Variants in FMNL2 observed in about 807,000 individuals in gnomAD.
FMNL2 encodes the protein formin-like protein 2.
A neutral mutation model predicts 130.2 loss-of-function variants in FMNL2; 51 were observed. The observed-to-expected ratio is 0.39, with a 90% CI of 0.31 to 0.49. The LOEUF is 0.49. Ranked by LOEUF, FMNL2 falls within the 20% of genes least tolerant of loss-of-function variation. The pLI, the probability that FMNL2 is intolerant of heterozygous loss-of-function variation, is 0.85. For synonymous variants in FMNL2, 465 were observed against 467.1 expected (o/e 1.00, Z 0.06); for missense variants, 977 against 1,316.2 (o/e 0.74, Z 3.99).
intron 1 of FMNL2, among the ~76,000 whole-genome samples, chr2:152,435,473 G>A (rs1687702342): frequency 1.3e-5 from 2 of 151,866 alleles, no homozygotes; most frequent in African/African-American, 2.4e-5. Flanking sequence ...TTGTCTTCAC[G>A]TATGGTAAAT....
At chr2:152,388,847 C>T (rs886704492) in intron 1 of FMNL2, among the ~76,000 whole-genome samples, 5 of 152,166 alleles carry the variant, frequency 3.3e-5, no homozygotes, top group African/African-American at 9.7e-5. Context: ...GAGGTCACAT[C>T]TGTGGATGTC....
intron 1 of FMNL2, among the ~76,000 whole-genome samples, chr2:152,359,822 A>G (rs1318749814): frequency 2.0e-5 from 3 of 152,136 alleles, no homozygotes; most frequent in Non-Finnish European, 4.4e-5. Context: ...CTACTTTTTG[A>G]GGGCTTTTAC....
chr2:152,387,805 C>T (rs1035771212), intron 1 of FMNL2, among the ~76,000 whole-genome samples: 3 of 143,520 alleles, frequency 2.1e-5, no homozygotes, highest in African/African-American at 8.1e-5. Flanking sequence ...TCACACCTGG[C>T]TAATTAAAAA....
intron 25 of FMNL2, among the ~76,000 whole-genome samples, chr2:152,646,620 G>C (rs899709156): frequency 6.6e-6 from 1 of 151,818 alleles, no homozygotes; most frequent in African/African-American, 2.4e-5. Flanking sequence ...ACATTCTGTG[G>C]GTCAAATGTG....
At chr2:152,489,928 C>T (rs1691047528) in intron 1 of FMNL2, among the ~76,000 whole-genome samples, 1 of 152,174 alleles carries the variant, frequency 6.6e-6, no homozygotes, top group Non-Finnish European at 1.5e-5. Flanking sequence ...TGATCTGAAA[C>T]TGTTGCCACT....
At chr2:152,641,406 C>T (rs1015816677) in intron 25 of FMNL2, among the ~76,000 whole-genome samples, 1 of 152,224 alleles carries the variant, frequency 6.6e-6, no homozygotes, top group African/African-American at 2.4e-5. Context: ...TTGTGTTAAC[C>T]CAGCCTGGTT....
intron 1 of FMNL2, among the ~76,000 whole-genome samples, chr2:152,405,122 A>G (rs1312691595): frequency 6.6e-6 from 1 of 152,160 alleles, no homozygotes; most frequent in Non-Finnish European, 1.5e-5. Context: ...TCTTACTAGT[A>G]TTGGGAGGCT....
At chr2:152,541,203 C>G (rs948550761) in intron 2 of FMNL2, among the ~76,000 whole-genome samples, 1 of 152,060 alleles carries the variant, frequency 6.6e-6, no homozygotes, top group African/African-American at 2.4e-5. Context: ...GTTACCCAGG[C>G]TGGAGTGCAG....
chr2:152,559,208 A>T (rs1347778337), intron 5 of FMNL2, among the ~76,000 whole-genome samples: 1 of 152,240 alleles, frequency 6.6e-6, no homozygotes, highest in East Asian at 1.9e-4. Flanking sequence ...GTATATTTGC[A>T]TATGCTAGTA....
chr2:152,364,261 G>GTTTTTTTTTTTTTTTTTTTTTTTT (rs869062341), intron 1 of FMNL2, among the ~76,000 whole-genome samples: 1 of 24,460 alleles, frequency 4.1e-5, no homozygotes, highest in African/African-American at 1.3e-4. Context: ...AGGTTTGTGT[G>GTTTTTTTTTTTTTTTTTTTTTTTT]TTTTTTTTTT....
chr2:152,496,289 A>T (rs755879595), intron 1 of FMNL2, among the ~76,000 whole-genome samples: 1 of 152,134 alleles, frequency 6.6e-6, no homozygotes, highest in Non-Finnish European at 1.5e-5. Context: ...ATTACTGACC[A>T]GTTATTTCAT....
chr2:152,488,345 C>A (rs1205299120), intron 1 of FMNL2, among the ~76,000 whole-genome samples: 1 of 152,202 alleles, frequency 6.6e-6, no homozygotes, highest in East Asian at 1.9e-4. Flanking sequence ...TTAGTGCAAG[C>A]AAGTCCGCAA....
At chr2:152,504,597 TTGTG>T (rs1197525855) in intron 1 of FMNL2, among the ~76,000 whole-genome samples, 1 of 152,004 alleles carries the variant, frequency 6.6e-6, no homozygotes, top group Non-Finnish European at 1.5e-5. Context: ...CCGCATCTCA[TTGTG>T]TGTGTGTGTT....
At chr2:152,549,675 T>C (rs1403413545) in intron 4 of FMNL2, among the ~76,000 whole-genome samples, 2 of 152,220 alleles carry the variant, frequency 1.3e-5, no homozygotes, top group African/African-American at 4.8e-5. Context: ...CATTCTGAGT[T>C]TCTTTCAGAC....
At chr2:152,371,634 A>T (rs1441572715) in intron 1 of FMNL2, among the ~76,000 whole-genome samples, 1 of 143,232 alleles carries the variant, frequency 7.0e-6, no homozygotes, top group Non-Finnish European at 1.5e-5. Context: ...GCGCCACTGC[A>T]CTCCAGCCTG....
chr2:152,570,993 AT>A (rs1696142056), intron 6 of FMNL2, among the ~76,000 whole-genome samples: 1 of 152,228 alleles, frequency 6.6e-6, no homozygotes, highest in Admixed American at 6.5e-5. Context: ...AAAGGGACTG[AT>A]TCTCAGAGCA....
chr2:152,600,867 A>G (rs2105815971), intron 9 of FMNL2, among the ~76,000 whole-genome samples: 1 of 152,286 alleles, frequency 6.6e-6, no homozygotes, highest in East Asian at 1.9e-4. Flanking sequence ...GGAGTGAACC[A>G]GATGGGGCAA....
intron 1 of FMNL2, among the ~76,000 whole-genome samples, chr2:152,472,713 AT>A (rs1234195346): frequency 6.6e-6 from 1 of 152,222 alleles, no homozygotes; most frequent in Non-Finnish European, 1.5e-5. Context: ...CATCAGGCCA[AT>A]TCCAGGGTCT....
chr2:152,576,507 C>T (rs928202461), intron 7 of FMNL2, among the ~76,000 whole-genome samples: 2 of 152,254 alleles, frequency 1.3e-5, no homozygotes, highest in South Asian at 4.2e-4. Flanking sequence ...ATATTACTCT[C>T]CCCATTTTAC....
Sources: allele counts gnomAD v4.1 joint callset (sites outside exome capture counted in the v4.1 genomes callset), GRCh38; gene constraint gnomAD v4.1.1; transcripts MANE v1.5; gene names NCBI Gene and HGNC (gene_info 2026-07-23, HGNC 2026-07-21).